Variants in SAMMSON observed in about 807,000 individuals in gnomAD.
The protein encoded by SAMMSON is survival associated mitochondrial melanoma specific oncogenic non-coding RNA, also known as long intergenic non-protein coding RNA 1212.
At chr3:70,337,148 T>A (rs7432700) in intron 7 of SAMMSON, among the ~76,000 whole-genome samples, 3 of 68,906 alleles carry the variant, frequency 4.4e-5, no homozygotes, top group Non-Finnish European at 7.1e-5. Flanking sequence ...AATATTATTA[T>A]TAATAATAAT....
chr3:70,226,284 A>T (rs1040958224), intron 4 of SAMMSON, among the ~76,000 whole-genome samples: 1 of 152,214 alleles, frequency 6.6e-6, no homozygotes, highest in African/African-American at 2.4e-5. Context: ...TTTGCTCTTC[A>T]ATGTGTGAGA....
chr3:70,427,866 C>G (rs1701384320), intron 2 of SAMMSON, among the ~76,000 whole-genome samples: 1 of 151,866 alleles, frequency 6.6e-6, no homozygotes, highest in Admixed American at 6.6e-5. Flanking sequence ...TCTTTATCAA[C>G]TGACATGGAA....
At position 70,173,451 on chromosome 3, in the gene SAMMSON, A is replaced by G. The variant is rs114778398; in HGVS notation, n.508-75656A>G. On this transcript the variant is annotated intron_variant and non_coding_transcript_variant, in intron 4 of 9. Transcript: ENST00000642114. ...TTTGTTCAAAATTTTCACAGCAGTA[A>G]CAACCAAAATCTACTTTAACTAAAA... is the stretch of plus-strand genomic sequence containing the variant. 3.6e-3 allele frequency among the ~76,000 whole-genome samples: 546 copies of G among 152,100 alleles called. 2 individuals are homozygous for G. The highest frequency in any genetic ancestry group is 0.012 in the African/African-American group (510 of 41,544).
intron 7 of SAMMSON, among the ~76,000 whole-genome samples, chr3:70,353,535 A>G (rs1702809117): frequency 6.6e-6 from 1 of 152,136 alleles, no homozygotes; most frequent in African/African-American, 2.4e-5. Context: ...ACTATACTAC[A>G]TGTCAGAATG....
intron 9 of SAMMSON, among the ~76,000 whole-genome samples, chr3:70,362,264 C>A (rs1165229232): frequency 6.6e-6 from 1 of 152,008 alleles, no homozygotes; most frequent in East Asian, 1.9e-4. Context: ...CAGATCAAGT[C>A]CAAGATTAAA....
At chr3:70,128,999 G>A (rs2067469795) in intron 4 of SAMMSON, among the ~76,000 whole-genome samples, 1 of 152,152 alleles carries the variant, frequency 6.6e-6, no homozygotes, top group Admixed American at 6.5e-5. Flanking sequence ...TAAGGTTTAT[G>A]TAAGCATCAA....
chr3:70,062,285 C>T (rs1198884799), intron 3 of SAMMSON, among the ~76,000 whole-genome samples: 1 of 152,036 alleles, frequency 6.6e-6, no homozygotes, highest in African/African-American at 2.4e-5. Flanking sequence ...TCTCCTTGCC[C>T]TGTTTTATTT....
At chr3:70,366,728 T>A (rs949820972) in intron 9 of SAMMSON, among the ~76,000 whole-genome samples, 1 of 151,700 alleles carries the variant, frequency 6.6e-6, no homozygotes, top group African/African-American at 2.4e-5. Context: ...TAAGACTGTT[T>A]TTAGCTTTGT....
chr3:70,253,096 G>C (rs574103889), intron 6 of SAMMSON, among the ~76,000 whole-genome samples: 1 of 151,762 alleles, frequency 6.6e-6, no homozygotes, highest in African/African-American at 2.4e-5. Context: ...AAAAAAAATC[G>C]AAGAGAAACT....
intron 4 of SAMMSON, among the ~76,000 whole-genome samples, chr3:70,149,733 T>G (rs2067563733): frequency 6.6e-6 from 1 of 152,212 alleles, no homozygotes; most frequent in African/African-American, 2.4e-5. Flanking sequence ...CCAAGCTGTC[T>G]TATCATACAA....
chr3:70,116,049 G>C (rs1232946229), intron 4 of SAMMSON, among the ~76,000 whole-genome samples: 1 of 152,084 alleles, frequency 6.6e-6, no homozygotes, highest in African/African-American at 2.4e-5. Context: ...CCAGTCAAAA[G>C]TTTCATTGCA....
At chr3:70,316,187 A>T (rs774696351) in intron 7 of SAMMSON, among the ~76,000 whole-genome samples, 8 of 152,150 alleles carry the variant, frequency 5.3e-5, no homozygotes, top group Non-Finnish European at 8.8e-5. Flanking sequence ...ATTATCACAC[A>T]TTTTATGTTC....
chr3:70,056,597 G>A (rs1673338403), intron 3 of SAMMSON, among the ~76,000 whole-genome samples: 1 of 151,056 alleles, frequency 6.6e-6, no homozygotes, highest in South Asian at 2.1e-4. Context: ...GCTTTTCTTG[G>A]AAATACACTA....
intron 3 of SAMMSON, among the ~76,000 whole-genome samples, chr3:70,028,663 A>G (rs1346246961): frequency 1.3e-5 from 2 of 152,218 alleles, no homozygotes; most frequent in South Asian, 2.1e-4. Context: ...TGTGTGGTCT[A>G]TTCTCTTTGT....
chr3:70,046,114 A>G (rs969437588), intron 3 of SAMMSON, among the ~76,000 whole-genome samples: 1 of 152,112 alleles, frequency 6.6e-6, no homozygotes, highest in African/African-American at 2.4e-5. Context: ...AAGATGTTTC[A>G]TTTTAACAAT....
intron 4 of SAMMSON, chr3:70,072,033 A>G (rs1158151657): frequency 6.6e-6 from 1 of 151,962 alleles, no homozygotes; most frequent in Admixed American, 6.6e-5. Flanking sequence ...AAAAATATTC[A>G]GGACAAATTA....
rs371084652 is a variant in SAMMSON at position 70,357,938 on chromosome 3, A to G, written n.843-316A>G. 1.4e-3 allele frequency among the ~76,000 whole-genome samples: 219 copies of G among 152,166 alleles called. 1 individual carries two copies. The highest frequency in any genetic ancestry group is 5.1e-3 in the African/African-American group (212 of 41,536). The stretch of plus-strand genomic sequence containing the variant: ...TGAAGTGCTTTAAACAAAATGGACA[A>G]CTTCTCCATCTTGACTCTTGTTGTG... On this transcript the variant is annotated intron_variant and non_coding_transcript_variant, in intron 8 of 9. Transcript: ENST00000642114.
intron 4 of SAMMSON, among the ~76,000 whole-genome samples, chr3:70,233,446 G>T (rs1227570821): frequency 2.0e-5 from 3 of 152,114 alleles, no homozygotes; most frequent in Non-Finnish European, 2.9e-5. Flanking sequence ...TGATGATAAA[G>T]CTTCCCTTTT....
At chr3:70,419,642 GGTTT>G (rs201481595) in intron 2 of SAMMSON, among the ~76,000 whole-genome samples, 1,620 of 152,094 alleles carry the variant, frequency 0.011, 22 homozygotes, top group African/African-American at 0.037. Flanking sequence ...ATCTGAAAAT[GGTTT>G]GTTTGTTTTT....
Sources: allele counts gnomAD v4.1 joint callset (sites outside exome capture counted in the v4.1 genomes callset), GRCh38; gene constraint gnomAD v4.1.1; transcripts MANE v1.5; gene names NCBI Gene and HGNC (gene_info 2026-07-23, HGNC 2026-07-21).